The following CADPS variants were observed in gnomAD, a reference collection of about 807,000 sequenced individuals.
CADPS encodes the protein calcium dependent secretion activator.
In CADPS, 57 loss-of-function variants were observed where a neutral mutation model predicts 167.3. That is an observed-to-expected ratio of 0.34 (90% CI 0.28 to 0.42). The LOEUF (loss-of-function observed/expected upper bound fraction) is 0.42, where lower values mean the gene tolerates loss of function less well. Ranked by LOEUF, CADPS falls within the 20% of genes least tolerant of loss-of-function variation. The pLI, the probability that CADPS is intolerant of heterozygous loss-of-function variation, is 1.00. For missense variants in CADPS, 1,414 were observed against 1,738.1 expected (o/e 0.81, Z 3.32); for synonymous variants, 676 against 635.3 (o/e 1.06, Z -0.96).
rs962062106 is a variant in CADPS at position 62,601,906 on chromosome 3, A to G, written c.1326-9158T>C. On this transcript the variant is annotated intron_variant, in intron 6 of 29. Transcript: ENST00000383710. This position sits in a 1 kb window ranked among gnomAD's most constrained non-coding sequence, Gnocchi z 4.3. Reference sequence around the variant, plus strand: ...TTTTGGGAGAGTGGAGCTCAGAAAAATCTATGGGTAAAACAACCTTGTTCT... The same window carrying G: ...TTTTGGGAGAGTGGAGCTCAGAAAAGTCTATGGGTAAAACAACCTTGTTCT... Among the ~76,000 whole-genome samples, 1 of 152,044 alleles carries G rather than the reference A, an allele frequency of 6.6e-6. No homozygotes were observed. Among genetic ancestry groups the G allele is most frequent in the Non-Finnish European group, 1.5e-5 (1 of 68,008 alleles).
intron 3 of CADPS, among the ~76,000 whole-genome samples, chr3:62,723,327 T>C (rs2076153950): frequency 6.6e-6 from 1 of 152,202 alleles, no homozygotes; most frequent in Non-Finnish European, 1.5e-5. Flanking sequence ...GACCAGGCTC[T>C]AAATCATCTT....
intron 2 of CADPS, among the ~76,000 whole-genome samples, chr3:62,755,744 A>G (rs2152434221): frequency 1.3e-5 from 2 of 152,354 alleles, no homozygotes; most frequent in South Asian, 4.1e-4. Flanking sequence ...ATGAGACCTT[A>G]GAGTTAATTT....
intron 1 of CADPS, among the ~76,000 whole-genome samples, chr3:62,864,131 A>G (rs1050894784): frequency 1.3e-5 from 2 of 152,218 alleles, no homozygotes; most frequent in Non-Finnish European, 2.9e-5. Context: ...TCCTAGCAGA[A>G]GAAGGTAATG....
intron 1 of CADPS, among the ~76,000 whole-genome samples, chr3:62,782,794 C>G (rs2091887370): frequency 6.9e-6 from 1 of 144,122 alleles, no homozygotes; most frequent in Non-Finnish European, 1.5e-5. Flanking sequence ...GAGTCTTGCT[C>G]TGTTGCCCAG....
At chr3:62,869,842 C>T (rs753994185) in intron 1 of CADPS, among the ~76,000 whole-genome samples, 5 of 152,064 alleles carry the variant, frequency 3.3e-5, no homozygotes, top group Non-Finnish European at 7.4e-5. Flanking sequence ...TTTATAGACA[C>T]CTGTCCCCAA....
At chr3:62,608,196 G>T (rs1300628009) in intron 6 of CADPS, among the ~76,000 whole-genome samples, 1 of 151,658 alleles carries the variant, frequency 6.6e-6, no homozygotes, top group Non-Finnish European at 1.5e-5. Context: ...CTTACTGTGG[G>T]ACCCCACACC....
intron 1 of CADPS, among the ~76,000 whole-genome samples, chr3:62,772,121 A>G (rs1040626599): frequency 6.6e-6 from 1 of 152,162 alleles, no homozygotes; most frequent in Non-Finnish European, 1.5e-5. Context: ...ATAGCATAGT[A>G]TCTGGCATAG....
At chr3:62,432,423 A>G (rs2054174132) in intron 28 of CADPS, among the ~76,000 whole-genome samples, 1 of 152,146 alleles carries the variant, frequency 6.6e-6, no homozygotes, top group African/African-American at 2.4e-5. Context: ...TGCCTGTTTC[A>G]GGAAGATGTT....
At chr3:62,851,280 A>G (rs1438926309) in intron 1 of CADPS, among the ~76,000 whole-genome samples, 5 of 130,824 alleles carry the variant, frequency 3.8e-5, no homozygotes, top group Non-Finnish European at 8.1e-5. Context: ...TTACATTTAA[A>G]GTTAATATTG....
chr3:62,613,797 C>A (rs1377880614), intron 6 of CADPS, among the ~76,000 whole-genome samples: 1 of 152,054 alleles, frequency 6.6e-6, no homozygotes, highest in African/African-American at 2.4e-5. Context: ...ATGAAGGAGA[C>A]AATAATCAGA....
chr3:62,783,430 G>A (rs2092005298), intron 1 of CADPS, among the ~76,000 whole-genome samples: 1 of 152,134 alleles, frequency 6.6e-6, no homozygotes, highest in Non-Finnish European at 1.5e-5. Flanking sequence ...CCTCAGGTTA[G>A]CAGTACCTCT....
At chr3:62,739,722 T>G (rs559199194) in intron 3 of CADPS, among the ~76,000 whole-genome samples, 1 of 152,188 alleles carries the variant, frequency 6.6e-6, no homozygotes, top group Non-Finnish European at 1.5e-5. Flanking sequence ...AAAGAAGCAG[T>G]CTTTTAAAGC....
chr3:62,736,526 C>A (rs507604), intron 3 of CADPS, among the ~76,000 whole-genome samples: 48,933 of 152,038 alleles, frequency 0.32, 8,595 homozygotes, highest in African/African-American at 0.46. Context: ...TAATTTCTTG[C>A]ATAAACATTC....
intron 28 of CADPS, among the ~76,000 whole-genome samples, chr3:62,426,253 C>A (rs1204464627): frequency 2.6e-5 from 4 of 152,200 alleles, no homozygotes; most frequent in Non-Finnish European, 4.4e-5. Context: ...CAGGTTCAAG[C>A]AATTCTCCTG....
chr3:62,451,212 A>G (rs935618412), intron 26 of CADPS, among the ~76,000 whole-genome samples: 1 of 152,014 alleles, frequency 6.6e-6, no homozygotes, highest in East Asian at 1.9e-4. Flanking sequence ...TGGTTTCTCT[A>G]TTGAGCTCTT....
intron 1 of CADPS, among the ~76,000 whole-genome samples, chr3:62,837,899 C>T (rs1244329537): frequency 6.6e-6 from 1 of 152,138 alleles, no homozygotes; most frequent in Non-Finnish European, 1.5e-5. Context: ...GAGCCCTCAA[C>T]AAATATAGAA....
At chr3:62,668,391 C>T (rs927299089) in intron 3 of CADPS, among the ~76,000 whole-genome samples, 1 of 152,102 alleles carries the variant, frequency 6.6e-6, no homozygotes. Context: ...CATCCTCCCC[C>T]AGTATGCTCC....
At chr3:62,873,034 T>A (rs1442053901) in intron 1 of CADPS, among the ~76,000 whole-genome samples, 1 of 152,218 alleles carries the variant, frequency 6.6e-6, no homozygotes, top group African/African-American at 2.4e-5. Context: ...TTTACTTCTC[T>A]GAGGATACTT....
At chr3:62,850,051 T>A (rs1457526102) in intron 1 of CADPS, among the ~76,000 whole-genome samples, 2 of 112,300 alleles carry the variant, frequency 1.8e-5, no homozygotes, top group East Asian at 4.6e-4. Context: ...CTAGATTTTC[T>A]AGTTTATTTG....
Sources: gnomAD v4.1 joint callset for allele counts (sites outside exome capture counted in the v4.1 genomes callset) on GRCh38, gnomAD v4.1.1 for gene constraint, Gnocchi (gnomAD v3.1) non-coding constraint, MANE v1.5 for transcripts, NCBI Gene and HGNC (gene_info 2026-07-23, HGNC 2026-07-21) for gene names.